Variants in MSRA observed in about 807,000 individuals in gnomAD.
MSRA encodes methionine sulfoxide reductase A, also known as mitochondrial peptide methionine sulfoxide reductase.
A neutral mutation model predicts 31.3 loss-of-function variants in MSRA; 54 were observed. The ratio of observed to expected loss-of-function variants is 1.73; its 90% confidence interval spans 1.39 to 2.17. The LOEUF is 2.17. MSRA is among the 30% of genes most tolerant of loss of function. The probability of loss-of-function intolerance (pLI) is 0.00; values close to 1 mark genes in which losing one functional copy is unlikely to be tolerated. For missense variants in MSRA, 507 were observed against 300.9 expected (o/e 1.69, Z -5.07); for synonymous variants, 169 against 116.5 (o/e 1.45, Z -2.90).
At chr8:10,237,630 A>G (rs1015551412) in intron 2 of MSRA, among the ~76,000 whole-genome samples, 4 of 152,208 alleles carry the variant, frequency 2.6e-5, no homozygotes, top group African/African-American at 9.7e-5. Context: ...ATTTTGACTC[A>G]TTAAAACTAG....
At chr8:10,258,822 G>C (rs1057495577) in intron 3 of MSRA, among the ~76,000 whole-genome samples, 1 of 152,212 alleles carries the variant, frequency 6.6e-6, no homozygotes, top group Non-Finnish European at 1.5e-5. Flanking sequence ...GAAGCAGATA[G>C]ACAGCGAGGT....
intron 1 of MSRA, among the ~76,000 whole-genome samples, chr8:10,134,523 C>A (rs975583922): frequency 6.6e-6 from 1 of 152,368 alleles, no homozygotes; most frequent in Admixed American, 6.5e-5. Flanking sequence ...TACCAAGGCA[C>A]TGTCAGCATG....
intron 5 of MSRA, among the ~76,000 whole-genome samples, chr8:10,393,444 C>T (rs1360448776): frequency 6.6e-6 from 1 of 152,178 alleles, no homozygotes; most frequent in Non-Finnish European, 1.5e-5. Context: ...AATAAGGATG[C>T]CATCTTGAAG....
At chr8:10,419,945 A>G (rs892792323) in intron 5 of MSRA, among the ~76,000 whole-genome samples, 1 of 152,196 alleles carries the variant, frequency 6.6e-6, no homozygotes, top group African/African-American at 2.4e-5. Flanking sequence ...AGAGGAGCAC[A>G]GGGTCAGCGC....
Position 10,091,830 on chromosome 8 carries a change from C to G in MSRA, c.142+37172C>G, listed in dbSNP as rs138140486. 3.0e-3 allele frequency among the ~76,000 whole-genome samples: 452 copies of G among 152,258 alleles called. 1 individual carries two copies. The highest frequency in any genetic ancestry group is 6.8e-3 in the Middle Eastern group (2 of 294). On this transcript the variant is annotated intron_variant, in intron 1 of 5. Transcript: ENST00000317173. Reference sequence around the variant, plus strand: ...CCATGTTGGCCAGGCTGGTCTCGAACTCTTGTCCTCAGGCAATCTGCTTGG... The same window carrying G: ...CCATGTTGGCCAGGCTGGTCTCGAAGTCTTGTCCTCAGGCAATCTGCTTGG...
At chr8:10,225,437 G>C (rs867832406) in intron 2 of MSRA, among the ~76,000 whole-genome samples, 2 of 152,178 alleles carry the variant, frequency 1.3e-5, no homozygotes, top group Admixed American at 6.5e-5. Flanking sequence ...TTGGGGCCTA[G>C]TCTCAAATAT....
intron 2 of MSRA, among the ~76,000 whole-genome samples, chr8:10,232,480 G>T (rs1811576304): frequency 6.6e-6 from 1 of 152,198 alleles, no homozygotes; most frequent in African/African-American, 2.4e-5. Flanking sequence ...CTGGAAAACT[G>T]CCTTTCATGA....
chr8:10,334,681 C>A (rs1169028057), intron 5 of MSRA, among the ~76,000 whole-genome samples: 1 of 152,122 alleles, frequency 6.6e-6, no homozygotes, highest in Non-Finnish European at 1.5e-5. Context: ...CCACGAAAGC[C>A]AGAGAGCCGG....
chr8:10,264,860 T>C (rs899573542), intron 3 of MSRA, among the ~76,000 whole-genome samples: 2 of 152,060 alleles, frequency 1.3e-5, no homozygotes, highest in African/African-American at 2.4e-5. Context: ...GCTGAGGAGA[T>C]GGAAGCAAGG....
chr8:10,146,761 C>G (rs1007071373), intron 1 of MSRA, among the ~76,000 whole-genome samples: 5 of 151,850 alleles, frequency 3.3e-5, no homozygotes, highest in African/African-American at 9.7e-5. Context: ...CTGGGCGTGG[C>G]GCTGGTCTGA....
chr8:10,360,916 G>T (rs1229256953), intron 5 of MSRA, among the ~76,000 whole-genome samples: 1 of 152,154 alleles, frequency 6.6e-6, no homozygotes, highest in Non-Finnish European at 1.5e-5. Context: ...ACATACTTGG[G>T]CAAGCCTGTG....
intron 1 of MSRA, among the ~76,000 whole-genome samples, chr8:10,147,436 T>C (rs1803241925): frequency 6.6e-6 from 1 of 152,112 alleles, no homozygotes; most frequent in South Asian, 2.1e-4. Context: ...CCCCATGTCC[T>C]CACAACGTAG....
At chr8:10,420,568 G>A (rs949322528) in intron 5 of MSRA, among the ~76,000 whole-genome samples, 1 of 152,234 alleles carries the variant, frequency 6.6e-6, no homozygotes, top group East Asian at 1.9e-4. Flanking sequence ...ACCTTACACA[G>A]CTAGGATGAT....
intron 1 of MSRA, among the ~76,000 whole-genome samples, chr8:10,087,858 C>T (rs1798647973): frequency 6.6e-6 from 1 of 152,184 alleles, no homozygotes; most frequent in African/African-American, 2.4e-5. Context: ...TCTCCAAATG[C>T]AGTAGACTTT....
intron 3 of MSRA, among the ~76,000 whole-genome samples, chr8:10,284,337 C>T (rs574286903): frequency 5.3e-5 from 8 of 152,104 alleles, no homozygotes; most frequent in South Asian, 2.1e-4. Flanking sequence ...TATAGGCGCC[C>T]GCCACCACAC....
chr8:10,070,288 T>G (rs1797665185), intron 1 of MSRA, among the ~76,000 whole-genome samples: 1 of 152,200 alleles, frequency 6.6e-6, no homozygotes, highest in African/African-American at 2.4e-5. Flanking sequence ...TTCTGGAAAC[T>G]TAGTCAATTT....
At chr8:10,237,618 G>T (rs1812054970) in intron 2 of MSRA, among the ~76,000 whole-genome samples, 1 of 152,140 alleles carries the variant, frequency 6.6e-6, no homozygotes, top group Non-Finnish European at 1.5e-5. Context: ...ACTCTACTAG[G>T]TATTTTGACT....
chr8:10,414,209 A>G (rs1256953417), intron 5 of MSRA, among the ~76,000 whole-genome samples: 1 of 152,164 alleles, frequency 6.6e-6, no homozygotes, highest in East Asian at 1.9e-4. Flanking sequence ...ACCTCTCAAT[A>G]TAAAATGATT....
At chr8:10,353,590 C>G (rs1398069488) in intron 5 of MSRA, 2 of 456,080 alleles carry the variant, frequency 4.4e-6, no homozygotes, top group African/African-American at 4.0e-5. Context: ...TCTGTACCGT[C>G]TTTCTAGCTA....
Sources: allele counts gnomAD v4.1 joint callset (sites outside exome capture counted in the v4.1 genomes callset), GRCh38; gene constraint gnomAD v4.1.1; transcripts MANE v1.5; gene names NCBI Gene and HGNC (gene_info 2026-07-23, HGNC 2026-07-21).